Variants in NLRP13 observed in about 807,000 individuals in gnomAD.
The protein encoded by NLRP13 is NACHT, LRR and PYD domains-containing protein 13.
NLRP13 carries 82 observed loss-of-function variants against 94.4 expected under a neutral mutation model. The ratio of observed to expected loss-of-function variants is 0.87; its 90% CI spans 0.73 to 1.04. The LOEUF is 1.04. NLRP13 is among the 50% of genes least tolerant of loss of function. The pLI is 0.00. For synonymous variants in NLRP13, 553 were observed against 464.7 expected (o/e 1.19, Z -2.45); for missense variants, 1,426 against 1,230.8 (o/e 1.16, Z -2.37).
At chr19:55,901,424 G>A (rs1986169554) in intron 9 of NLRP13, among the ~76,000 whole-genome samples, 1 of 152,194 alleles carries the variant, frequency 6.6e-6, no homozygotes, top group Non-Finnish European at 1.5e-5. Context: ...GAGTAAGGGA[G>A]AGAGGGGAGA....
chr19:55,931,447 G>A (rs1289287441), intron 1 of NLRP13, among the ~76,000 whole-genome samples: 1 of 151,934 alleles, frequency 6.6e-6, no homozygotes, highest in Non-Finnish European at 1.5e-5. Flanking sequence ...GGTGGCTCAC[G>A]CCTGTAATCC....
At chr19:55,905,700 G>T (rs1395661679) in intron 7 of NLRP13, among the ~76,000 whole-genome samples, 2 of 151,940 alleles carry the variant, frequency 1.3e-5, no homozygotes, top group Non-Finnish European at 2.9e-5. Context: ...CCCTATTGAG[G>T]TGTGGGCTGG....
chr19:55,911,639 G>T, intron 5 of NLRP13, 67 bp downstream of exon 5: 1 of 1,426,910 alleles, frequency 7.0e-7, no homozygotes, highest in Non-Finnish European at 9.5e-7. Context: ...GGTTTTGCAT[G>T]AAAGAATTTG....
At chr19:55,905,340 G>A (rs910421931) in intron 7 of NLRP13, among the ~76,000 whole-genome samples, 20 of 151,634 alleles carry the variant, frequency 1.3e-4, no homozygotes, top group African/African-American at 4.4e-4. Context: ...TCAAGAGTTC[G>A]AGAGCAGCCT....
intron 1 of NLRP13, among the ~76,000 whole-genome samples, chr19:55,930,884 A>ATG: frequency 8.5e-6 from 1 of 117,258 alleles, no homozygotes; most frequent in South Asian, 2.7e-4. Flanking sequence ...TTATATATAT[A>ATG]TATATATATA....
chr19:55,924,526 TG>T, intron 3 of NLRP13, 63 bp downstream of exon 3: 1 of 1,166,710 alleles, frequency 8.6e-7, no homozygotes, highest in Non-Finnish European at 1.3e-6. Context: ...GCAGCAAATG[TG>T]GACCAATGAA....
chr19:55,925,503 C>T (rs564024207), intron 1 of NLRP13, among the ~76,000 whole-genome samples: 6 of 152,298 alleles, frequency 3.9e-5, no homozygotes, highest in South Asian at 2.1e-4. Context: ...AGTCTGTTTA[C>T]GGATTCATCC....
intron 4 of NLRP13, among the ~76,000 whole-genome samples, chr19:55,920,427 G>A (rs766474960): frequency 1.3e-5 from 2 of 151,986 alleles, no homozygotes; most frequent in Non-Finnish European, 2.9e-5. Context: ...ACATTCAAAG[G>A]GCTAATATCC....
chr19:55,892,482 C>T (rs551010398), downstream of NLRP13, among the ~76,000 whole-genome samples: 5 of 152,174 alleles, frequency 3.3e-5, no homozygotes, highest in African/African-American at 9.6e-5. Flanking sequence ...AGTGCAGTGG[C>T]GTGATCTCGG....
At position 55,896,116 on chromosome 19, in the gene NLRP13, C is replaced by T. The variant is rs2123098689; in HGVS notation, c.2961G>A (p.Leu987=). 1 of 1,613,918 alleles carries T rather than the reference C, an allele frequency of 6.2e-7. No homozygotes were observed. The highest frequency in any genetic ancestry group is 1.7e-4 in the Middle Eastern group (1 of 6,056). The part of the protein sequence containing the change: ...KPHRALHTLG[L]AKCNLTTACC... ...AAGCAGTTGTCAGATTGCATTTCGCCAACCTAGGGGCGGGTGGGAAGAAAG... is the reference window on the plus strand; with the variant it reads ...AAGCAGTTGTCAGATTGCATTTCGCTAACCTAGGGGCGGGTGGGAAGAAAG... The change falls in exon 11 of 11, where the codon TTG becomes TTA. Residue 987 remains leucine (L), a synonymous_variant. Coordinates refer to ENST00000342929, the MANE Select transcript of NLRP13 (RefSeq NM_176810.2).
At chr19:55,924,846 G>T in intron 2 of NLRP13, 121 bp downstream of exon 2, 1 of 948,934 alleles carries the variant, frequency 1.1e-6, no homozygotes, top group African/African-American at 1.7e-5. Flanking sequence ...TAGTTGGAAA[G>T]TTTTTAATTT....
chr19:55,909,352 C>G (rs1600266337), intron 6 of NLRP13, among the ~76,000 whole-genome samples: 1 of 152,248 alleles, frequency 6.6e-6, no homozygotes, highest in East Asian at 1.9e-4. Context: ...AGAGGACCCT[C>G]CCCCTGCTCA....
chr19:55,930,898 A>ACACGTATATATATACAT, intron 1 of NLRP13, among the ~76,000 whole-genome samples: 2 of 104,894 alleles, frequency 1.9e-5, no homozygotes, highest in African/African-American at 3.9e-5. Flanking sequence ...ATATATATAT[A>ACACGTATATATATACAT]AAATTTTAAC....
intron 8 of NLRP13, 115 bp downstream of exon 8, chr19:55,904,827 T>G: frequency 1.2e-6 from 1 of 839,846 alleles, no homozygotes; most frequent in Non-Finnish European, 1.7e-6. Flanking sequence ...ACATAGTAAT[T>G]ACTCAATGAA....
intron 1 of NLRP13, among the ~76,000 whole-genome samples, chr19:55,926,858 T>A (rs993566250): frequency 2.0e-5 from 3 of 152,286 alleles, no homozygotes; most frequent in African/African-American, 7.2e-5. Flanking sequence ...GAAATAACTT[T>A]GAAAAGTATG....
intron 1 of NLRP13, among the ~76,000 whole-genome samples, chr19:55,928,593 C>A (rs1987027348): frequency 6.6e-6 from 1 of 152,114 alleles, no homozygotes; most frequent in Non-Finnish European, 1.5e-5. Flanking sequence ...TTTTAAAAAT[C>A]AGCAACAAGA....
chr19:55,904,906 G>A, intron 8 of NLRP13, 36 bp downstream of exon 8: 3 of 1,570,666 alleles, frequency 1.9e-6, no homozygotes, highest in Non-Finnish European at 2.6e-6. Flanking sequence ...TGTGCCCATA[G>A]AGTCATATCT....
Position 55,913,128 on chromosome 19 carries a change from G to T in NLRP13, c.689C>A (p.Thr230Lys). ...DPNRTRAQAQ[T>K]IVLVGRAGVG... Reference sequence around the variant, plus strand: ...CCCTGCCCTCCCCACCAAGACTATCGTCTGGGCCTGGGCTCTAGTCCTATT... The same window carrying T: ...CCCTGCCCTCCCCACCAAGACTATCTTCTGGGCCTGGGCTCTAGTCCTATT... The change falls in exon 5 of 11, where the codon ACG becomes AAG. Residue 230 changes from threonine to lysine, a missense_variant. Thr to Lys is a moderately conservative substitution (Grantham distance 78). Transcript: ENST00000342929. 3 of 1,614,078 alleles carry T rather than the reference G, an allele frequency of 1.9e-6. No individual in the cohort carries two copies. The highest frequency in any genetic ancestry group is 1.7e-5 in the Admixed American group (1 of 60,010).
At chr19:55,892,773 GA>G (rs1489205606), downstream of NLRP13, among the ~76,000 whole-genome samples, 17 of 152,284 alleles carry the variant, frequency 1.1e-4, no homozygotes, top group Middle Eastern at 3.4e-3. Flanking sequence ...TCCAACTTGT[GA>G]GAACATGTGG....
Sources: allele counts gnomAD v4.1 joint callset (sites outside exome capture counted in the v4.1 genomes callset), GRCh38; gene constraint gnomAD v4.1.1; transcripts MANE v1.5; gene names NCBI Gene and HGNC (gene_info 2026-07-23, HGNC 2026-07-21).